RASAL2: variants seen among roughly 807,000 people sequenced by gnomAD.
The protein encoded by RASAL2 is ras GTPase-activating protein nGAP.
RASAL2 carries 58 observed loss-of-function variants against 128.9 expected under a neutral mutation model. The observed-to-expected ratio is 0.45, with a 90% CI of 0.36 to 0.56. The LOEUF (loss-of-function observed/expected upper bound fraction) is 0.56, where lower values mean the gene tolerates loss of function less well. Among genes scored for constraint, RASAL2 ranks in the 20% least tolerant of loss-of-function variants. RASAL2 has a pLI of 0.00. For missense variants in RASAL2, 1,360 were observed against 1,601.6 expected, an observed-to-expected ratio of 0.85 and a Z score of 2.57; for synonymous variants, 561 against 580.8, an observed-to-expected ratio of 0.97 and a Z score of 0.49.
intron 5 of RASAL2, among the ~76,000 whole-genome samples, chr1:178,431,166 C>T (rs986198709): frequency 1.3e-5 from 2 of 151,800 alleles, no homozygotes; most frequent in Non-Finnish European, 2.9e-5. Context: ...CCTTTGTAAA[C>T]ATAAACTGGG....
At chr1:178,275,066 C>A (rs1021979083) in intron 1 of RASAL2, among the ~76,000 whole-genome samples, 5 of 152,138 alleles carry the variant, frequency 3.3e-5, no homozygotes, top group African/African-American at 1.2e-4. Flanking sequence ...GATTGAAGAA[C>A]AGGCTGTGAT....
rs377023503 is a variant in RASAL2, at chr1:178,376,045, G to A, written c.458-14055G>A. On this transcript the variant is annotated intron_variant, in intron 3 of 17. Coordinates refer to ENST00000367649, the MANE Select transcript of RASAL2 (RefSeq NM_170692.4). ...AACTTGAAGAATATCAACATTTGGG[G>A]GTGGGTGGAGACAAAGAGGAGACAC... 2.6e-5 allele frequency among the ~76,000 whole-genome samples: 4 copies of A among 152,186 alleles called. No homozygotes were observed. The South Asian group carries it at 6.2e-4, about 24-fold the overall frequency.
chr1:178,256,666 A>G (rs752007522), intron 1 of RASAL2, among the ~76,000 whole-genome samples: 6 of 152,158 alleles, frequency 3.9e-5, no homozygotes, highest in Non-Finnish European at 7.3e-5. Context: ...CAATGTATAG[A>G]AAAATCAGTG....
At chr1:178,200,162 A>G (rs1416541885) in intron 1 of RASAL2, among the ~76,000 whole-genome samples, 1 of 152,156 alleles carries the variant, frequency 6.6e-6, no homozygotes, top group Non-Finnish European at 1.5e-5. Flanking sequence ...ACCCTGACTA[A>G]TACAAATTTT....
At chr1:178,269,320 A>G (rs867642484) in intron 1 of RASAL2, among the ~76,000 whole-genome samples, 5 of 152,202 alleles carry the variant, frequency 3.3e-5, no homozygotes, top group East Asian at 1.9e-4. Flanking sequence ...CACACCGTCT[A>G]TAATATTTTG....
chr1:178,141,193 CTTTTTTTTTT>C (rs71297900), intron 1 of RASAL2, among the ~76,000 whole-genome samples: 3 of 73,936 alleles, frequency 4.1e-5, no homozygotes, highest in African/African-American at 5.3e-5. Flanking sequence ...CTTTTCTTTT[CTTTTTTTTTT>C]TTTTTTTTTT....
chr1:178,463,347 A>G (rs998533039), intron 14 of RASAL2, among the ~76,000 whole-genome samples: 2 of 152,208 alleles, frequency 1.3e-5, no homozygotes, highest in Non-Finnish European at 2.9e-5. Flanking sequence ...ATAGCCTAAT[A>G]TAAATTGTAA....
chr1:178,147,174 A>G (rs962858489), intron 1 of RASAL2, among the ~76,000 whole-genome samples: 1 of 152,136 alleles, frequency 6.6e-6, no homozygotes, highest in African/African-American at 2.4e-5. Context: ...CTTCATCTCT[A>G]TCTTCTATTC....
chr1:178,293,535 A>G (rs1361281280), intron 2 of RASAL2, among the ~76,000 whole-genome samples: 1 of 152,166 alleles, frequency 6.6e-6, no homozygotes, highest in Non-Finnish European at 1.5e-5. Context: ...TAACATGTTC[A>G]TAATATATTG....
At chr1:178,372,249 C>T in intron 3 of RASAL2, 1 of 985,272 alleles carries the variant, frequency 1.0e-6, no homozygotes, top group Non-Finnish European at 1.2e-6. Context: ...GAATGAGTCT[C>T]CTTTCCCCCG....
chr1:178,150,433 G>T (rs139069420), intron 1 of RASAL2, among the ~76,000 whole-genome samples: 1 of 151,980 alleles, frequency 6.6e-6, no homozygotes, highest in South Asian at 2.1e-4. Flanking sequence ...TGATCCACCC[G>T]CCTTGGCCTC....
chr1:178,254,659 A>G (rs1451882197), intron 1 of RASAL2, among the ~76,000 whole-genome samples: 1 of 152,202 alleles, frequency 6.6e-6, no homozygotes, highest in Non-Finnish European at 1.5e-5. Flanking sequence ...CAAGCCAAGA[A>G]CACAAGGCTC....
chr1:178,443,719 A>G (rs1289720263), intron 8 of RASAL2, among the ~76,000 whole-genome samples: 1 of 152,218 alleles, frequency 6.6e-6, no homozygotes, highest in Non-Finnish European at 1.5e-5. Flanking sequence ...TCCAAGGGAT[A>G]TGATACAATT....
chr1:178,259,377 C>T (rs892616737), intron 1 of RASAL2, among the ~76,000 whole-genome samples: 2 of 151,926 alleles, frequency 1.3e-5, no homozygotes, highest in African/African-American at 4.8e-5. Flanking sequence ...GTGATCCGCC[C>T]GCCTCGGCCT....
intron 1 of RASAL2, among the ~76,000 whole-genome samples, chr1:178,115,093 T>G (rs533935573): frequency 1.3e-5 from 2 of 151,856 alleles, no homozygotes; most frequent in South Asian, 4.2e-4. Flanking sequence ...TGGTACAGTT[T>G]ATCAGATAAG....
intron 3 of RASAL2, among the ~76,000 whole-genome samples, chr1:178,367,773 A>G (rs1015311413): frequency 6.6e-6 from 1 of 152,226 alleles, no homozygotes; most frequent in African/African-American, 2.4e-5. Context: ...AAGCAAAATA[A>G]TAAGACAATT....
At chr1:178,288,624 A>G (rs1325640125) in intron 2 of RASAL2, among the ~76,000 whole-genome samples, 2 of 139,876 alleles carry the variant, frequency 1.4e-5, no homozygotes, top group East Asian at 2.0e-4. Context: ...TCCCATCAGC[A>G]TGCTATTCTT....
rs141032240 is a variant in RASAL2, at chr1:178,216,763, C to T, written c.203-66801C>T. ...CAAGTGATTCTCCTGCCTCAGCCTC[C>T]TGATTAGCTGGGATTACAGGTGTGT... On this transcript the variant is annotated intron_variant, in intron 1 of 17. Coordinates refer to ENST00000367649, the MANE Select transcript of RASAL2 (RefSeq NM_170692.4). 3.5e-3 allele frequency among the ~76,000 whole-genome samples: 536 copies of T among 152,186 alleles called. 4 individuals are homozygous for T. The highest frequency in any genetic ancestry group is 5.9e-3 in the Non-Finnish European group (402 of 68,020).
chr1:178,286,658 C>T (rs987044002), intron 2 of RASAL2, among the ~76,000 whole-genome samples: 10 of 152,132 alleles, frequency 6.6e-5, no homozygotes, highest in African/African-American at 2.2e-4. Context: ...GTGATCCACC[C>T]GCCTCAGCCT....
Sources: allele counts gnomAD v4.1 joint callset (sites outside exome capture counted in the v4.1 genomes callset), GRCh38; gene constraint gnomAD v4.1.1; transcripts MANE v1.5; gene names NCBI Gene and HGNC (gene_info 2026-07-23, HGNC 2026-07-21).